The following PRKCE variants were observed in gnomAD, a reference collection of about 807,000 sequenced individuals.
The protein encoded by PRKCE is protein kinase C epsilon.
A neutral mutation model predicts 85.4 loss-of-function variants in PRKCE; 16 were observed. That is an observed-to-expected ratio of 0.19 (90% CI 0.13 to 0.28). The LOEUF (loss-of-function observed/expected upper bound fraction) is 0.28, where lower values mean the gene tolerates loss of function less well. Among genes scored for constraint, PRKCE ranks in the 10% least tolerant of loss-of-function variants. PRKCE has a pLI of 1.00. For synonymous variants in PRKCE, 388 were observed against 371.5 expected (o/e 1.04, Z -0.51); for missense variants, 573 against 975.2 (o/e 0.59, Z 5.49).
Position 46,187,137 on chromosome 2 carries a change from C to A in PRKCE, c.*2256C>A, listed in dbSNP as rs1249314116. 6.6e-6 allele frequency: 1 copy of A among 152,628 alleles called. No individual in the cohort carries two copies. The highest frequency in any genetic ancestry group is 1.5e-5 in the Non-Finnish European group (1 of 68,036). The allele number at this position is 152,628 out of a possible 1,614,324, so 9.5% of individuals were successfully genotyped here. A position where few individuals can be genotyped will look rare whatever the true frequency, so the allele number is the denominator to read the frequency against. ...TAACTACTGTTCTTTCTTCTGCTTTCTTCACCATAATAAACTTTGGACAAC... is the reference window on the plus strand; with the variant it reads ...TAACTACTGTTCTTTCTTCTGCTTTATTCACCATAATAAACTTTGGACAAC... On this transcript the variant is annotated 3_prime_UTR_variant, in exon 15 of 15. Coordinates refer to ENST00000306156, the MANE Select transcript of PRKCE (RefSeq NM_005400.3).
At chr2:45,693,030 C>G (rs1267347196) in intron 1 of PRKCE, among the ~76,000 whole-genome samples, 1 of 151,974 alleles carries the variant, frequency 6.6e-6, no homozygotes, top group African/African-American at 2.4e-5. Context: ...AGAGATTCTG[C>G]AGGGGGCCAA....
intron 10 of PRKCE, among the ~76,000 whole-genome samples, chr2:46,014,266 GA>G (rs1260684669): frequency 1.3e-5 from 2 of 152,114 alleles, no homozygotes; most frequent in African/African-American, 4.8e-5. Flanking sequence ...TACCAAACTT[GA>G]TTTAATTTAC....
chr2:46,109,536 C>A (rs568627891), intron 11 of PRKCE, among the ~76,000 whole-genome samples: 132 of 152,232 alleles, frequency 8.7e-4, no homozygotes, highest in Middle Eastern at 3.4e-3. Flanking sequence ...CATCAGATGA[C>A]TTTTGCATAT....
In PRKCE at chr2:45,689,032, G is replaced by A. The variant is rs186816728; in HGVS notation, c.348+36584G>A. 5.9e-5 allele frequency among the ~76,000 whole-genome samples: 9 copies of A among 152,306 alleles called. No homozygotes were observed. The East Asian group carries it at 9.6e-4, about 16-fold the overall frequency. On this transcript the variant is annotated intron_variant, in intron 1 of 14. Transcript: ENST00000306156. ...GAACACAAGGAAAAATGAACAAAAT[G>A]TTGTAGGTATGAATGTGCTGTGGGG... is the stretch of plus-strand genomic sequence containing the variant.
intron 11 of PRKCE, among the ~76,000 whole-genome samples, chr2:46,143,619 G>T (rs867573283): frequency 5.3e-5 from 8 of 152,100 alleles, no homozygotes; most frequent in Non-Finnish European, 7.4e-5. Flanking sequence ...ACAAACTCAG[G>T]CCCTGGGTCC....
In PRKCE at chr2:46,009,877, T is replaced by G. The variant is rs538676304; in HGVS notation, c.1264-467T>G. Among the ~76,000 whole-genome samples, 8 of 152,380 alleles carry G rather than the reference T, an allele frequency of 5.3e-5. No homozygotes were observed. The East Asian group carries it at 1.5e-3, about 29-fold the overall frequency. The stretch of plus-strand genomic sequence containing the variant: ...TTCAGTTAAAAATAGTTACATTATT[T>G]TACTGTACTGTAACTGTAAAAATAG... On this transcript the variant is annotated intron_variant, in intron 9 of 14. Coordinates refer to ENST00000306156, the MANE Select transcript of PRKCE (RefSeq NM_005400.3).
intron 1 of PRKCE, among the ~76,000 whole-genome samples, chr2:45,683,275 A>G (rs1391399307): frequency 6.6e-6 from 1 of 152,196 alleles, no homozygotes; most frequent in African/African-American, 2.4e-5. Flanking sequence ...AGGCTAGCTG[A>G]GTTTTAATTG....
intron 2 of PRKCE, among the ~76,000 whole-genome samples, chr2:45,972,093 C>T (rs983626759): frequency 6.6e-6 from 1 of 152,172 alleles, no homozygotes; most frequent in Admixed American, 6.5e-5. Context: ...AGTGAACAAG[C>T]GTTCGCTCTT....
chr2:45,812,443 T>C (rs937848295), intron 1 of PRKCE, among the ~76,000 whole-genome samples: 1 of 152,108 alleles, frequency 6.6e-6, no homozygotes, highest in Admixed American at 6.5e-5. Flanking sequence ...GTGCAGGGGA[T>C]CCCATAGAAG....
At chr2:45,852,905 G>C (rs1178233512) in intron 2 of PRKCE, among the ~76,000 whole-genome samples, 4 of 152,168 alleles carry the variant, frequency 2.6e-5, no homozygotes, top group Non-Finnish European at 5.9e-5. Flanking sequence ...AGCCCAGGAT[G>C]GGGGCTGAGA....
At chr2:45,781,931 C>A (rs1418118527) in intron 1 of PRKCE, among the ~76,000 whole-genome samples, 11 of 152,184 alleles carry the variant, frequency 7.2e-5, no homozygotes, top group Non-Finnish European at 1.5e-5. Flanking sequence ...ACTTGAAAAA[C>A]AAATTACCTG....
rs1424148962 is a variant in PRKCE, at chr2:45,786,469, G to A, written c.349-56531G>A. ...CTCCCTCTCTTTCTGGCTGCTCCTA[G>A]TATCTGCTTTCAGCCATTTTATCTT... On this transcript the variant is annotated intron_variant, in intron 1 of 14. Coordinates refer to ENST00000306156, the MANE Select transcript of PRKCE (RefSeq NM_005400.3). The surrounding 1 kb of genome is among the most constrained non-coding windows in gnomAD (Gnocchi z 5.3). Among the ~76,000 whole-genome samples the A allele has an allele frequency of 6.6e-6, 1 of 152,304 alleles. No homozygotes were observed. Among genetic ancestry groups the A allele is most frequent in the East Asian group, 1.9e-4 (1 of 5,192 alleles).
intron 14 of PRKCE, among the ~76,000 whole-genome samples, chr2:46,182,211 G>C (rs999506455): frequency 2.3e-4 from 35 of 151,954 alleles, no homozygotes; most frequent in Admixed American, 3.3e-4. Context: ...GACTCACTTC[G>C]CCAGGCACAG....
chr2:46,181,927 C>T (rs1680015235), intron 14 of PRKCE, among the ~76,000 whole-genome samples: 1 of 152,168 alleles, frequency 6.6e-6, no homozygotes, highest in South Asian at 2.1e-4. Context: ...GCATCTCCTG[C>T]CTACACGCCT....
Position 46,011,630 on chromosome 2 carries a change from C to A in PRKCE, c.1437+1113C>A, listed in dbSNP as rs1222271548. Among the ~76,000 whole-genome samples the A allele has an allele frequency of 2.0e-5, 3 of 152,190 alleles. No individual in the cohort carries two copies. The East Asian group carries it at 5.8e-4, about 29-fold the overall frequency. On this transcript the variant is annotated intron_variant, in intron 10 of 14. Transcript: ENST00000306156. ...ACTCTGTGACCCATAGTTGGAGTCA[C>A]TGCAAACGTAACCTCTCTTAGTCTC...
At position 45,786,559 on chromosome 2, in the gene PRKCE, C is replaced by G. The variant is rs1314108346; in HGVS notation, c.349-56441C>G. ...ACCTGAAGCAGACAGGCCCCACTAA[C>G]AGGAACAGGACAGGCCTTAGGGGCC... On this transcript the variant is annotated intron_variant, in intron 1 of 14. Transcript: ENST00000306156. This position sits in a 1 kb window ranked among gnomAD's most constrained non-coding sequence, Gnocchi z 5.3. 6.6e-6 allele frequency among the ~76,000 whole-genome samples: 1 copy of G among 152,214 alleles called. No homozygotes were observed. Among genetic ancestry groups the G allele is most frequent in the African/African-American group, 2.4e-5 (1 of 41,462 alleles).
In PRKCE at chr2:45,895,445, C is replaced by T. The variant is rs1696062068; in HGVS notation, c.412+52382C>T. 1.3e-5 allele frequency among the ~76,000 whole-genome samples: 2 copies of T among 152,154 alleles called. No homozygotes were observed. The highest frequency in any genetic ancestry group is 4.8e-5 in the African/African-American group (2 of 41,428). ...GCACCCTGATGTCATCTGGCTGGTC[C>T]CTGGATGGTGGGGATACATGGTACA... On this transcript the variant is annotated intron_variant, in intron 2 of 14. Transcript: ENST00000306156. The surrounding 1 kb of genome is among the most constrained non-coding windows in gnomAD (Gnocchi z 4.8).
In PRKCE at chr2:45,774,197, A is replaced by G. The variant is rs1685570595; in HGVS notation, c.349-68803A>G. Among the ~76,000 whole-genome samples, 1 of 151,750 alleles carries G rather than the reference A, an allele frequency of 6.6e-6. No individual in the cohort carries two copies. The highest frequency in any genetic ancestry group is 1.5e-5 in the Non-Finnish European group (1 of 67,922). ...GGCTTGGCTGGGACATGTTGGGCTG[A>G]CCACCCCTGTGGTCAGGGCCTGCGA... On this transcript the variant is annotated intron_variant, in intron 1 of 14. Transcript: ENST00000306156. The surrounding 1 kb of genome is among the most constrained non-coding windows in gnomAD (Gnocchi z 4.3).
At chr2:45,983,482 G>A (rs976363872) in intron 5 of PRKCE, among the ~76,000 whole-genome samples, 3 of 152,182 alleles carry the variant, frequency 2.0e-5, no homozygotes, top group African/African-American at 4.8e-5. Context: ...GGAGGGTAGC[G>A]CTGTGGAGGG....
Sources: gnomAD v4.1 joint callset for allele counts (sites outside exome capture counted in the v4.1 genomes callset) on GRCh38, gnomAD v4.1.1 for gene constraint, Gnocchi (gnomAD v3.1) non-coding constraint, MANE v1.5 for transcripts, NCBI Gene and HGNC (gene_info 2026-07-23, HGNC 2026-07-21) for gene names.